VAV3: variants seen among roughly 807,000 people sequenced by gnomAD.
The protein encoded by VAV3 is vav guanine nucleotide exchange factor 3.
VAV3 carries 94 observed loss-of-function variants against 131.2 expected under a neutral mutation model. That is an observed-to-expected ratio of 0.72 (90% CI 0.61 to 0.85). VAV3 has a LOEUF of 0.85. Among genes scored for constraint, VAV3 ranks in the 40% least tolerant of loss-of-function variants. The pLI, the probability that VAV3 is intolerant of heterozygous loss-of-function variation, is 0.00. For synonymous variants in VAV3, 349 were observed against 342.0 expected, an observed-to-expected ratio of 1.02 and a Z score of -0.22; for missense variants, 939 against 1,002.7, an observed-to-expected ratio of 0.94 and a Z score of 0.86.
chr1:107,583,989 C>T (rs1318974706), intron 25 of VAV3, among the ~76,000 whole-genome samples: 3 of 152,106 alleles, frequency 2.0e-5, no homozygotes, highest in African/African-American at 7.2e-5. Context: ...AGGCATCATG[C>T]TACCTGACTT....
intron 19 of VAV3, among the ~76,000 whole-genome samples, chr1:107,674,254 T>C (rs558527797): frequency 1.3e-5 from 2 of 152,338 alleles, no homozygotes; most frequent in South Asian, 2.1e-4. Context: ...CTGCTGGGTG[T>C]CATACACATG....
At chr1:107,734,771 C>T (rs1419676860) in intron 15 of VAV3, among the ~76,000 whole-genome samples, 1 of 152,124 alleles carries the variant, frequency 6.6e-6, no homozygotes, top group Non-Finnish European at 1.5e-5. Context: ...GACTTTAACA[C>T]CCCACTGTCA....
chr1:107,763,104 T>C (rs1465166509), intron 9 of VAV3, among the ~76,000 whole-genome samples: 1 of 152,214 alleles, frequency 6.6e-6, no homozygotes, highest in Non-Finnish European at 1.5e-5. Flanking sequence ...TTTCCTTCTA[T>C]CATGCTGGGG....
chr1:107,745,866 T>C (rs1353307222), intron 15 of VAV3, among the ~76,000 whole-genome samples: 1 of 152,166 alleles, frequency 6.6e-6, no homozygotes, highest in East Asian at 1.9e-4. Flanking sequence ...CTCCCTTTCC[T>C]TTTCAGAATT....
At chr1:107,575,019 ACG>A (rs1488452500) in intron 25 of VAV3, among the ~76,000 whole-genome samples, 1 of 15,518 alleles carries the variant, frequency 6.4e-5, no homozygotes, top group South Asian at 2.6e-3. Flanking sequence ...GCGCGCGCAC[ACG>A]CGCGCGTGTT....
intron 20 of VAV3, among the ~76,000 whole-genome samples, chr1:107,640,768 TC>T (rs1489490815): frequency 6.6e-6 from 1 of 152,024 alleles, no homozygotes; most frequent in Admixed American, 6.6e-5. Context: ...ATAGACTACT[TC>T]CCCAACAAGC....
intron 2 of VAV3, among the ~76,000 whole-genome samples, chr1:107,789,722 G>C (rs1273519070): frequency 2.0e-5 from 3 of 152,108 alleles, no homozygotes; most frequent in Admixed American, 2.0e-4. Context: ...TAAAAGCCAT[G>C]TTAGAAAAAT....
At chr1:107,634,044 G>C (rs1016125849) in intron 20 of VAV3, among the ~76,000 whole-genome samples, 4 of 152,068 alleles carry the variant, frequency 2.6e-5, no homozygotes, top group Non-Finnish European at 5.9e-5. Context: ...TGGCCATACT[G>C]CCCATGGTAA....
intron 1 of VAV3, among the ~76,000 whole-genome samples, chr1:107,953,572 T>C (rs568235427): frequency 4.6e-5 from 7 of 152,294 alleles, no homozygotes; most frequent in Admixed American, 4.6e-4. Flanking sequence ...TTATTGCACA[T>C]GTAAGTATCC....
At chr1:107,796,890 C>A (rs2102289292) in intron 2 of VAV3, among the ~76,000 whole-genome samples, 1 of 151,320 alleles carries the variant, frequency 6.6e-6, no homozygotes, top group Middle Eastern at 3.4e-3. Context: ...ATCCATATAT[C>A]TGAATCATTT....
At chr1:107,698,181 C>A (rs1180224756) in intron 17 of VAV3, among the ~76,000 whole-genome samples, 1 of 152,116 alleles carries the variant, frequency 6.6e-6, no homozygotes, top group Non-Finnish European at 1.5e-5. Context: ...AAATGGTCCC[C>A]AATTTTGGAT....
At chr1:107,943,673 C>A (rs180713146) in intron 1 of VAV3, among the ~76,000 whole-genome samples, 123 of 152,284 alleles carry the variant, frequency 8.1e-4, no homozygotes, top group African/African-American at 2.8e-3. Flanking sequence ...ACCTGGGAGG[C>A]AGAGGTTGCA....
At chr1:107,658,684 T>C (rs1479028126) in intron 19 of VAV3, among the ~76,000 whole-genome samples, 12 of 152,194 alleles carry the variant, frequency 7.9e-5, no homozygotes, top group Non-Finnish European at 1.8e-4. Context: ...TTGATTTGTA[T>C]TTCTCTGATG....
At position 107,711,982 on chromosome 1, in the gene VAV3, G is replaced by A. The variant is rs12744763; in HGVS notation, c.1503-6921C>T. Among the ~76,000 whole-genome samples the A allele has an allele frequency of 2.8e-3, 427 of 152,152 alleles. 1 individual carries two copies. The highest frequency in any genetic ancestry group is 6.8e-3 in the Middle Eastern group (2 of 294). On this transcript the variant is annotated intron_variant, in intron 15 of 26. Transcript: ENST00000370056. ...ATTACAGGTGTGAGCCACCGTGCCC[G>A]ACAACGCATTCAATAAATTAAAAGC...
At chr1:107,687,150 A>G (rs1251745029) in intron 18 of VAV3, among the ~76,000 whole-genome samples, 2 of 152,160 alleles carry the variant, frequency 1.3e-5, no homozygotes, top group Non-Finnish European at 2.9e-5. Context: ...TTAGCTCTAA[A>G]GAAACTCATA....
At chr1:107,904,578 A>G (rs1456206932) in intron 1 of VAV3, among the ~76,000 whole-genome samples, 1 of 152,146 alleles carries the variant, frequency 6.6e-6, no homozygotes, top group African/African-American at 2.4e-5. Context: ...TCTGCCCCCA[A>G]CCACTGTGTA....
At chr1:107,582,083 C>T (rs902092659) in intron 25 of VAV3, among the ~76,000 whole-genome samples, 1 of 152,130 alleles carries the variant, frequency 6.6e-6, no homozygotes, top group South Asian at 2.1e-4. Context: ...ATGGTACTGT[C>T]AACACTGATC....
At chr1:107,667,533 T>C (rs1334581787) in intron 19 of VAV3, among the ~76,000 whole-genome samples, 2 of 152,164 alleles carry the variant, frequency 1.3e-5, no homozygotes, top group Non-Finnish European at 2.9e-5. Context: ...AATGAATTTA[T>C]GATAAGGTTT....
chr1:107,669,217 G>C (rs1196108966), intron 19 of VAV3: 2 of 1,172,388 alleles, frequency 1.7e-6, no homozygotes, highest in African/African-American at 1.6e-5. Context: ...AAAGTACTTT[G>C]AATTAAAACA....
Sources: gnomAD v4.1 joint callset for allele counts (sites outside exome capture counted in the v4.1 genomes callset) on GRCh38, gnomAD v4.1.1 for gene constraint, MANE v1.5 for transcripts, NCBI Gene and HGNC (gene_info 2026-07-23, HGNC 2026-07-21) for gene names.